Variants in ZNF589 observed in about 807,000 individuals in gnomAD.
The protein encoded by ZNF589 is KRAB-zinc finger protein SZF1-1.
Under a neutral mutation model 13.6 loss-of-function variants are expected in ZNF589, and 17 were observed. That is an observed-to-expected ratio of 1.25 (90% CI 0.86 to 1.88). The LOEUF (loss-of-function observed/expected upper bound fraction) is 1.88, where lower values mean the gene tolerates loss of function less well. Ranked by LOEUF, ZNF589 falls within the 40% of genes most tolerant of loss-of-function variation. ZNF589 has a pLI of 0.00. For synonymous variants in ZNF589, 148 were observed against 161.6 expected, an observed-to-expected ratio of 0.92 and a Z score of 0.64; for missense variants, 407 against 434.0, an observed-to-expected ratio of 0.94 and a Z score of 0.55.
intron 2 of ZNF589, chr3:48,256,641 G>T: frequency 9.9e-7 from 1 of 1,007,252 alleles, no homozygotes; most frequent in Non-Finnish European, 1.6e-6. Context: ...TTTCGGGGCA[G>T]CATGCCTCCA....
chr3:48,265,627 C>T (rs2034012088), intron 3 of ZNF589, among the ~76,000 whole-genome samples: 1 of 151,988 alleles, frequency 6.6e-6, no homozygotes, highest in South Asian at 2.1e-4. Flanking sequence ...TGGATTCATT[C>T]CATCCTATGC....
At chr3:48,258,443 A>G (rs965282264) in intron 2 of ZNF589, among the ~76,000 whole-genome samples, 3 of 152,160 alleles carry the variant, frequency 2.0e-5, no homozygotes, top group African/African-American at 4.8e-5. Flanking sequence ...CATTTCCTAC[A>G]TAGAAAACCG....
rs71323392 is a variant in ZNF589, at chr3:48,268,565, C to T, written c.874C>T (p.Arg292Cys). Residue 292 changes from arginine (R) to cysteine (C), a missense_variant, in exon 4 of 4, where the codon CGC becomes TGC. Physicochemically the swap from Arg to Cys is radical, Grantham distance 180. Coordinates refer to ENST00000354698, the MANE Select transcript of ZNF589 (RefSeq NM_016089.3). The stretch of plus-strand genomic sequence containing the variant: ...AGGCTTTATAGTTGAGTCAGTCCTC[C>T]GCAACCACCTGAGTACACACTCCGG... ...GRGFIVESVL[R>C]NHLSTHSGEK... 7.1e-4 allele frequency: 1,143 copies of T among 1,612,556 alleles called. 2 individuals are homozygous for T. Among genetic ancestry groups the T allele is most frequent in the Non-Finnish European group, 8.5e-4 (1,002 of 1,179,654 alleles).
chr3:48,245,690 G>A (rs920680179), intron 1 of ZNF589, among the ~76,000 whole-genome samples: 1 of 152,212 alleles, frequency 6.6e-6, no homozygotes, highest in African/African-American at 2.4e-5. Flanking sequence ...GCTCACGCCT[G>A]TAATCCCAGC....
Position 48,249,703 on chromosome 3 carries a change from A to G in ZNF589, c.96+2026A>G, listed in dbSNP as rs530801358. 3.3e-5 allele frequency among the ~76,000 whole-genome samples: 5 copies of G among 152,358 alleles called. No individual in the cohort carries two copies. In the East Asian group the frequency reaches 5.8e-4, roughly 18 times the overall value. On this transcript the variant is annotated intron_variant, in intron 2 of 3. Transcript: ENST00000354698. ...TGTTTGTACCTTTTTATGGGGTACAATGTGATGTTTTCACACATGTATACC... is the reference window on the plus strand; with the variant it reads ...TGTTTGTACCTTTTTATGGGGTACAGTGTGATGTTTTCACACATGTATACC...
At chr3:48,267,719 A>G (rs1237183847) in intron 3 of ZNF589, among the ~76,000 whole-genome samples, 196 bp from the exon 4 acceptor site, 2 of 152,146 alleles carry the variant, frequency 1.3e-5, no homozygotes, top group Non-Finnish European at 2.9e-5. Flanking sequence ...TATTCTTGCA[A>G]CTTTTCTGTA....
intron 3 of ZNF589, among the ~76,000 whole-genome samples, chr3:48,262,759 T>C (rs2106845913): frequency 6.6e-6 from 1 of 152,336 alleles, no homozygotes; most frequent in East Asian, 1.9e-4. Context: ...GACTCTAGAA[T>C]ATAAATCTAT....
intron 3 of ZNF589, among the ~76,000 whole-genome samples, chr3:48,267,630 C>T (rs1424350402): frequency 6.6e-6 from 1 of 152,148 alleles, no homozygotes; most frequent in Non-Finnish European, 1.5e-5. Context: ...CTCTTGACCT[C>T]GTGATCTGCC....
chr3:48,241,156 G>C lies in ZNF589; in HGVS notation c.-16G>C. 1 of 1,601,026 alleles carries C rather than the reference G, an allele frequency of 6.2e-7. No individual in the cohort carries two copies. The highest frequency in any genetic ancestry group is 8.5e-7 in the Non-Finnish European group (1 of 1,173,626). The stretch of plus-strand genomic sequence containing the variant: ...TGCTGCTACCTCGTTTGCTTCGTGC[G>C]TGCGTGCGCGCGCAGATGTGGGCCC... On this transcript the variant is annotated 5_prime_UTR_variant, in exon 1 of 4. Coordinates refer to ENST00000354698, the MANE Select transcript of ZNF589 (RefSeq NM_016089.3).
intron 2 of ZNF589, among the ~76,000 whole-genome samples, chr3:48,251,191 A>G (rs1652236197): frequency 6.6e-6 from 1 of 152,176 alleles, no homozygotes; most frequent in African/African-American, 2.4e-5. Context: ...TGTGCTTTTC[A>G]TTGAGGCAGA....
intron 2 of ZNF589, among the ~76,000 whole-genome samples, chr3:48,252,150 G>A (rs1425979204): frequency 1.3e-5 from 2 of 151,984 alleles, no homozygotes; most frequent in Non-Finnish European, 2.9e-5. Flanking sequence ...GCTTTATGGT[G>A]AGTCTTAAAA....
intron 2 of ZNF589, among the ~76,000 whole-genome samples, chr3:48,253,810 A>ATCCTC (rs1196729149): frequency 5.3e-5 from 8 of 152,042 alleles, no homozygotes; most frequent in Admixed American, 4.6e-4. Context: ...CGCTAGTCAG[A>ATCCTC]TATTTTGTAG....
chr3:48,242,583 C>T (rs1487495445), intron 1 of ZNF589, among the ~76,000 whole-genome samples: 1 of 151,976 alleles, frequency 6.6e-6, no homozygotes, highest in African/African-American at 2.4e-5. Flanking sequence ...GGATTATAGG[C>T]GTGAGCCACT....
chr3:48,251,163 G>T (rs1309152541), intron 2 of ZNF589, among the ~76,000 whole-genome samples: 1 of 152,188 alleles, frequency 6.6e-6, no homozygotes, highest in Non-Finnish European at 1.5e-5. Flanking sequence ...AGGGACCAGT[G>T]ACTTTTGAGG....
intron 2 of ZNF589, among the ~76,000 whole-genome samples, chr3:48,255,557 G>A (rs953907187): frequency 1.4e-5 from 2 of 138,250 alleles, no homozygotes; most frequent in Non-Finnish European, 3.0e-5. Context: ...GCAGTAGTGC[G>A]ATCTTGGCTC....
chr3:48,261,065 C>A, intron 3 of ZNF589, 126 bp downstream of exon 3: 1 of 1,072,294 alleles, frequency 9.3e-7, no homozygotes. Context: ...TTTCTTCTCT[C>A]GTGGAGCTTA....
At chr3:48,263,266 C>A (rs113734698) in intron 3 of ZNF589, among the ~76,000 whole-genome samples, 1 of 152,068 alleles carries the variant, frequency 6.6e-6, no homozygotes, top group Non-Finnish European at 1.5e-5. Context: ...CGTGCCACCA[C>A]GCCCAGCAAA....
intron 1 of ZNF589, among the ~76,000 whole-genome samples, chr3:48,247,369 T>C (rs1298408875): frequency 2.0e-5 from 3 of 151,796 alleles, no homozygotes; most frequent in Non-Finnish European, 2.9e-5. Context: ...ATTTTTAGGG[T>C]AGAAAGATGA....
chr3:48,251,989 T>C (rs1454976293), intron 2 of ZNF589, among the ~76,000 whole-genome samples: 1 of 150,934 alleles, frequency 6.6e-6, no homozygotes, highest in Admixed American at 6.6e-5. Flanking sequence ...CAGTGAGCCA[T>C]GTTCACACCA....
Sources: gnomAD v4.1 joint callset for allele counts (sites outside exome capture counted in the v4.1 genomes callset) on GRCh38, gnomAD v4.1.1 for gene constraint, MANE v1.5 for transcripts, NCBI Gene and HGNC (gene_info 2026-07-23, HGNC 2026-07-21) for gene names.